The following MAP3K19 variants were observed in gnomAD, a reference collection of about 807,000 sequenced individuals.
MAP3K19 encodes mitogen-activated protein kinase kinase kinase 19, also known as SPS1/STE20-related protein kinase YSK4.
Under a neutral mutation model 114.4 loss-of-function variants are expected in MAP3K19, and 91 were observed. The observed-to-expected ratio is 0.80, with a 90% CI of 0.67 to 0.95. The LOEUF is 0.95. Ranked by LOEUF, MAP3K19 falls within the 40% of genes least tolerant of loss-of-function variation. The pLI, the probability that MAP3K19 is intolerant of heterozygous loss-of-function variation, is 0.00. For missense variants in MAP3K19, 1,471 were observed against 1,573.2 expected (o/e 0.94, Z 1.10); for synonymous variants, 518 against 530.5 (o/e 0.98, Z 0.32).
chr2:134,991,476 A>C (rs761522547), intron 9 of MAP3K19, 61 bp downstream of exon 9: 1 of 1,429,574 alleles, frequency 7.0e-7, no homozygotes, highest in South Asian at 1.1e-5. Flanking sequence ...TTGGTTCTAA[A>C]TTAGTGAATA....
chr2:134,990,124 G>A (rs1221677113), intron 9 of MAP3K19, among the ~76,000 whole-genome samples: 1 of 151,864 alleles, frequency 6.6e-6, no homozygotes, highest in African/African-American at 2.4e-5. Flanking sequence ...AGCTCATTAT[G>A]TAAAGAACAG....
intron 12 of MAP3K19, among the ~76,000 whole-genome samples, chr2:134,976,116 G>A (rs1684218032): frequency 6.6e-6 from 1 of 152,188 alleles, no homozygotes; most frequent in Non-Finnish European, 1.5e-5. Context: ...AGCCCTCCAG[G>A]TAAACACAAG....
intron 4 of MAP3K19, chr2:135,023,565 G>A (rs778892728): frequency 7.5e-6 from 4 of 531,156 alleles, no homozygotes; most frequent in Non-Finnish European, 1.5e-5. Flanking sequence ...GCACTTTCCA[G>A]GCCTTAAAAT....
chr2:134,998,832 C>G lies in MAP3K19; in HGVS notation c.480G>C (p.Leu160Phe). 6.2e-7 allele frequency: 1 copy of G among 1,614,156 alleles called. No homozygotes were observed. Among genetic ancestry groups the G allele is most frequent in the East Asian group, 2.2e-5 (1 of 44,882 alleles). Residue 160 changes from leucine to phenylalanine, a missense_variant, in exon 8 of 13, where the codon TTG becomes TTC. Transcript: ENST00000392915. The part of the protein sequence containing the change: ...RELCNVNLGF[L>F]LPRSCLELNI... ...TCAGTTCTAAACAAGATCTTGGTAG[C>G]AAAAAGCCCAAGTTCACATTGCAGA... is the stretch of plus-strand genomic sequence containing the variant.
At position 134,986,297 on chromosome 2, in the gene MAP3K19, GCACTGC is replaced by G. The variant is rs1315275073; in HGVS notation, c.2569_2574del (p.Ala857_Val858del). On this transcript the variant is annotated inframe_deletion, in exon 10 of 13. Transcript: ENST00000392915. ...TACTTGTTAGAATTCTTCTCACTGG[GCACTGC>G]CCAGCTGTCTTCTGAAGGGATAAAT... The G allele has an allele frequency of 6.2e-7, 1 of 1,613,824 alleles. No homozygotes were observed. Among genetic ancestry groups the G allele is most frequent in the African/African-American group, 1.3e-5 (1 of 74,928 alleles).
chr2:135,034,256 C>G (rs1203734285), intron 2 of MAP3K19, among the ~76,000 whole-genome samples: 8 of 129,612 alleles, frequency 6.2e-5, no homozygotes, highest in Middle Eastern at 3.7e-3. Context: ...GGATGGCGGC[C>G]GGGCAGAGAC....
intron 5 of MAP3K19, among the ~76,000 whole-genome samples, chr2:135,013,902 T>C (rs1687406778): frequency 6.6e-6 from 1 of 152,168 alleles, no homozygotes; most frequent in Non-Finnish European, 1.5e-5. Context: ...TATTTTTTCC[T>C]CTTTCTTTAT....
Position 134,981,009 on chromosome 2 carries a change from A to G in MAP3K19, c.3732T>C (p.Tyr1244=). 1.2e-6 allele frequency: 2 copies of G among 1,614,236 alleles called. No homozygotes were observed. Among genetic ancestry groups the G allele is most frequent in the Non-Finnish European group, 1.7e-6 (2 of 1,180,050 alleles). The part of the protein sequence containing the change: ...MAPEVINESG[Y]GRKSDIWSIG... ...TGCTCCAGATATCTGATTTCCGTCC[A>G]TAGCCAGACTCATTGATGACTTCTG... is the stretch of plus-strand genomic sequence containing the variant. The change falls in exon 12 of 13, where the codon TAT becomes TAC. Residue 1244 remains tyrosine (Y), a synonymous_variant. Coordinates refer to ENST00000392915, the MANE Select transcript of MAP3K19 (RefSeq NM_025052.5).
intron 5 of MAP3K19, among the ~76,000 whole-genome samples, chr2:135,012,240 C>CA (rs1687283607): frequency 1.3e-5 from 2 of 151,162 alleles, no homozygotes; most frequent in African/African-American, 4.9e-5. Flanking sequence ...GGCTTGTACC[C>CA]ACAAGATGCC....
chr2:135,039,512 A>T (rs1427803106), intron 2 of MAP3K19, among the ~76,000 whole-genome samples: 1 of 152,058 alleles, frequency 6.6e-6, no homozygotes, highest in Non-Finnish European at 1.5e-5. Flanking sequence ...GAGTCTGGGC[A>T]GGTTGAGGCT....
intron 2 of MAP3K19, among the ~76,000 whole-genome samples, chr2:135,031,558 C>T (rs1158007064): frequency 6.6e-6 from 1 of 152,104 alleles, no homozygotes; most frequent in East Asian, 1.9e-4. Context: ...GTCTTCAGGG[C>T]AATAGGCAGA....
At chr2:135,005,569 A>T (rs1242113846) in intron 5 of MAP3K19, 38 bp from the exon 6 acceptor site, 1 of 1,491,684 alleles carries the variant, frequency 6.7e-7, no homozygotes, top group South Asian at 1.1e-5. Context: ...GTTATTAGTT[A>T]TTCGATGTAC....
intron 5 of MAP3K19, among the ~76,000 whole-genome samples, chr2:135,015,775 C>G (rs577344286): frequency 6.6e-6 from 1 of 151,966 alleles, no homozygotes; most frequent in Non-Finnish European, 1.5e-5. Context: ...TGCTTATAAT[C>G]CCAGCAACTC....
chr2:134,989,179 TATC>T (rs1435075157), intron 9 of MAP3K19, among the ~76,000 whole-genome samples: 1 of 152,236 alleles, frequency 6.6e-6, no homozygotes, highest in African/African-American at 2.4e-5. Context: ...TAGTTTTTAT[TATC>T]ATCCTGTAGA....
intron 12 of MAP3K19, among the ~76,000 whole-genome samples, chr2:134,969,001 C>T (rs1224702165): frequency 6.6e-6 from 1 of 152,182 alleles, no homozygotes; most frequent in Non-Finnish European, 1.5e-5. Flanking sequence ...AGGCAGGCTG[C>T]TGGGAGGTGG....
intron 8 of MAP3K19, among the ~76,000 whole-genome samples, chr2:134,993,751 C>A (rs370780385): frequency 8.9e-4 from 135 of 152,256 alleles, no homozygotes; most frequent in African/African-American, 3.1e-3. Flanking sequence ...AATGTAGAGG[C>A]AAGATCTTTC....
chr2:135,037,411 C>T (rs1688556544), intron 2 of MAP3K19, among the ~76,000 whole-genome samples: 1 of 152,172 alleles, frequency 6.6e-6, no homozygotes, highest in Non-Finnish European at 1.5e-5. Flanking sequence ...GCTTGGAGTT[C>T]TGTTGACAGT....
At chr2:134,974,339 G>A (rs1416774946) in intron 12 of MAP3K19, among the ~76,000 whole-genome samples, 1 of 152,144 alleles carries the variant, frequency 6.6e-6, no homozygotes, top group Non-Finnish European at 1.5e-5. Context: ...CTCCTGGCCT[G>A]TAAGATTTCT....
intron 2 of MAP3K19, among the ~76,000 whole-genome samples, chr2:135,036,644 T>TGC (rs1215913785): frequency 1.1e-5 from 1 of 90,096 alleles, no homozygotes; most frequent in Non-Finnish European, 2.0e-5. Context: ...ATTATGTGTG[T>TGC]GTGTGTGTGT....
Sources: allele counts gnomAD v4.1 joint callset (sites outside exome capture counted in the v4.1 genomes callset), GRCh38; gene constraint gnomAD v4.1.1; transcripts MANE v1.5; gene names NCBI Gene and HGNC (gene_info 2026-07-23, HGNC 2026-07-21).